Variants in BTF3L4 observed in about 807,000 individuals in gnomAD.
BTF3L4 encodes the protein basic transcription factor 3 like 4, also known as transcription factor BTF3 homolog 4.
BTF3L4 carries 6 observed loss-of-function variants against 16.8 expected under a neutral mutation model. The ratio of observed to expected loss-of-function variants is 0.36; its 90% CI spans 0.20 to 0.71. The LOEUF is 0.71. Ranked by LOEUF, BTF3L4 falls within the 30% of genes least tolerant of loss-of-function variation. The pLI, the probability that BTF3L4 is intolerant of heterozygous loss-of-function variation, is 0.58. For missense variants in BTF3L4, 92 were observed against 186.9 expected (o/e 0.49, Z 2.96); for synonymous variants, 39 against 59.8 (o/e 0.65, Z 1.60).
At chr1:52,056,953 C>G (rs1320551564) in intron 1 of BTF3L4, among the ~76,000 whole-genome samples, 2 of 152,212 alleles carry the variant, frequency 1.3e-5, no homozygotes, top group African/African-American at 4.8e-5. Context: ...GTTTCAACTT[C>G]CGTTCCCACA....
At position 52,075,831 on chromosome 1, in the gene BTF3L4, T is replaced by C. The variant is rs368337633; in HGVS notation, c.169-7509T>C. Among the ~76,000 whole-genome samples the C allele has an allele frequency of 1.1e-3, 162 of 151,812 alleles. 3 individuals are homozygous for C. The East Asian group carries it at 0.022, about 21-fold the overall frequency. On this transcript the variant is annotated intron_variant, in intron 3 of 5. Coordinates refer to ENST00000313334, the MANE Select transcript of BTF3L4 (RefSeq NM_152265.5). ...GGCAGGCGCCACCACACCCAGCTAA[T>C]TTTTTGTATTTTTAGTAGAGACGGG...
At chr1:52,074,011 A>G (rs1686866501) in intron 3 of BTF3L4, among the ~76,000 whole-genome samples, 1 of 151,756 alleles carries the variant, frequency 6.6e-6, no homozygotes, top group Non-Finnish European at 1.5e-5. Flanking sequence ...AAAGAAAAAA[A>G]TGTAATTCGC....
intron 3 of BTF3L4, among the ~76,000 whole-genome samples, chr1:52,075,856 G>A (rs1259848101): frequency 1.3e-5 from 2 of 151,814 alleles, no homozygotes; most frequent in African/African-American, 4.8e-5. Flanking sequence ...GTAGAGACGG[G>A]GTTTTATCAT....
At position 52,088,418 on chromosome 1, in the gene BTF3L4, G is replaced by C. The variant is rs1643991072; in HGVS notation, c.*1660G>C. On this transcript the variant is annotated 3_prime_UTR_variant, in exon 6 of 6. Transcript: ENST00000313334. Reference sequence around the variant, plus strand: ...GAATATTTCCTCTTGTGCTTTTCTTGATGTTGTGTACAGAATTTCCTTTTA... The same window carrying C: ...GAATATTTCCTCTTGTGCTTTTCTTCATGTTGTGTACAGAATTTCCTTTTA... 1.3e-5 allele frequency: 2 copies of C among 152,502 alleles called. No homozygotes were observed. Among genetic ancestry groups the C allele is most frequent in the South Asian group, 4.1e-4 (2 of 4,820 alleles). 9.4% of individuals were successfully genotyped at this position (152,502 alleles called of 1,614,324 possible). A position where few individuals can be genotyped will look rare whatever the true frequency, so the allele number is the denominator to read the frequency against.
At chr1:52,067,273 G>A (rs1291102740) in intron 3 of BTF3L4, among the ~76,000 whole-genome samples, 1 of 152,204 alleles carries the variant, frequency 6.6e-6, no homozygotes, top group African/African-American at 2.4e-5. Flanking sequence ...AAATGGCAAA[G>A]AAAAGGTAGT....
At chr1:52,058,827 C>T (rs1476741086) in intron 1 of BTF3L4, among the ~76,000 whole-genome samples, 2 of 152,072 alleles carry the variant, frequency 1.3e-5, no homozygotes, top group Non-Finnish European at 2.9e-5. Flanking sequence ...CTCGAACTCC[C>T]GACCTCAGGT....
At chr1:52,057,530 T>C (rs1000658128) in intron 1 of BTF3L4, among the ~76,000 whole-genome samples, 24 of 152,340 alleles carry the variant, frequency 1.6e-4, no homozygotes, top group African/African-American at 5.8e-4. Flanking sequence ...TATACTTTGC[T>C]GGTGCTAGCA....
chr1:52,058,078 C>A (rs1285965499), intron 1 of BTF3L4, among the ~76,000 whole-genome samples: 2 of 152,158 alleles, frequency 1.3e-5, no homozygotes, highest in Non-Finnish European at 2.9e-5. Flanking sequence ...GTTCACTACA[C>A]TCTCATGGCC....
intron 3 of BTF3L4, chr1:52,071,320 C>T (rs929438750): frequency 1.3e-5 from 2 of 152,228 alleles, no homozygotes; most frequent in Admixed American, 1.3e-4. Flanking sequence ...CCCTTCCTGT[C>T]TTTCCAGGTA....
Position 52,064,808 on chromosome 1 carries a change from G to A in BTF3L4, c.55-17G>A, listed in dbSNP as rs757863621. ...CAGGCATGCTAACACTTCTGCTTCT[G>A]TTTGGTTATTTTTCAGGGTACAGCT... On this transcript the variant is annotated splice_polypyrimidine_tract_variant and intron_variant, in intron 2 of 5. Coordinates refer to ENST00000313334, the MANE Select transcript of BTF3L4 (RefSeq NM_152265.5). 10 of 1,563,058 alleles carry A rather than the reference G, an allele frequency of 6.4e-6. No homozygotes were observed. The highest frequency in any genetic ancestry group is 7.9e-6 in the Non-Finnish European group (9 of 1,141,392).
intron 2 of BTF3L4, among the ~76,000 whole-genome samples, chr1:52,063,602 C>T (rs1385308519): frequency 6.6e-6 from 1 of 152,114 alleles, no homozygotes; most frequent in Non-Finnish European, 1.5e-5. Context: ...AGATTTAACC[C>T]TCAAGACTTA....
chr1:52,079,297 C>G (rs953658399), intron 3 of BTF3L4, among the ~76,000 whole-genome samples: 8 of 150,380 alleles, frequency 5.3e-5, no homozygotes, highest in African/African-American at 2.0e-4. Context: ...GCAGGAGAAT[C>G]GCTTGAATCC....
At chr1:52,056,542 G>A (rs1254396591) in intron 1 of BTF3L4, among the ~76,000 whole-genome samples, 163 bp downstream of exon 1, 1 of 152,242 alleles carries the variant, frequency 6.6e-6, no homozygotes, top group Non-Finnish European at 1.5e-5. Flanking sequence ...GGTTACCGGC[G>A]GCGCAGCTGG....
intron 3 of BTF3L4, among the ~76,000 whole-genome samples, chr1:52,072,237 G>A (rs1046859012): frequency 2.0e-5 from 3 of 151,844 alleles, no homozygotes; most frequent in African/African-American, 7.3e-5. Context: ...TGTATTTTTA[G>A]TAGAGATGGG....
chr1:52,090,130 T>G lies in BTF3L4; in HGVS notation c.*3372T>G, dbSNP rs1644006484. The stretch of plus-strand genomic sequence containing the variant: ...GCACAACTTCGGGAGCCATCACTTA[T>G]TTTTGTTGTGTTCCAGAAGGTGTCA... On this transcript the variant is annotated 3_prime_UTR_variant, in exon 6 of 6. Coordinates refer to ENST00000313334, the MANE Select transcript of BTF3L4 (RefSeq NM_152265.5). 1 of 152,212 alleles carries G rather than the reference T, an allele frequency of 6.6e-6. No individual in the cohort carries two copies. Among genetic ancestry groups the G allele is most frequent in the Non-Finnish European group, 1.5e-5 (1 of 68,044 alleles). 9.4% of individuals were successfully genotyped at this position (152,212 alleles called of 1,614,324 possible).
At chr1:52,078,175 C>G (rs1454998464) in intron 3 of BTF3L4, among the ~76,000 whole-genome samples, 1 of 151,374 alleles carries the variant, frequency 6.6e-6, no homozygotes, top group Non-Finnish European at 1.5e-5. Flanking sequence ...ACCTCAGCCT[C>G]CTGAGTAGCT....
intron 3 of BTF3L4, among the ~76,000 whole-genome samples, chr1:52,070,197 A>G (rs1183462609): frequency 1.4e-5 from 2 of 139,430 alleles, no homozygotes; most frequent in African/African-American, 2.6e-5. Flanking sequence ...AGCCTGGGCG[A>G]CAGAGCAAGA....
chr1:52,084,340 G>A (rs6693475), intron 4 of BTF3L4, among the ~76,000 whole-genome samples: 11,127 of 152,034 alleles, frequency 0.073, 504 homozygotes, highest in African/African-American at 0.13. Flanking sequence ...ACAGGGTTTC[G>A]CCATGGTGGC....
intron 2 of BTF3L4, among the ~76,000 whole-genome samples, chr1:52,060,873 G>A (rs1234263415): frequency 2.6e-5 from 4 of 152,250 alleles, no homozygotes; most frequent in Admixed American, 2.6e-4. Flanking sequence ...GTGATGTGAT[G>A]TGCCAATGCA....
Sources: allele counts gnomAD v4.1 joint callset (sites outside exome capture counted in the v4.1 genomes callset), GRCh38; gene constraint gnomAD v4.1.1; transcripts MANE v1.5; gene names NCBI Gene and HGNC (gene_info 2026-07-23, HGNC 2026-07-21).